The following CDH13 variants were observed in gnomAD, a reference collection of about 807,000 sequenced individuals.
CDH13 encodes cadherin-13.
A neutral mutation model predicts 63.8 loss-of-function variants in CDH13; 24 were observed. The ratio of observed to expected loss-of-function variants is 0.38; its 90% confidence interval spans 0.27 to 0.53. The LOEUF is 0.53. Ranked by LOEUF, CDH13 falls within the 20% of genes least tolerant of loss-of-function variation. The probability of loss-of-function intolerance (pLI) is 0.85; values close to 1 mark genes in which losing one functional copy is unlikely to be tolerated. For synonymous variants in CDH13, 503 were observed against 355.3 expected, an observed-to-expected ratio of 1.42 and a Z score of -4.67; for missense variants, 1,049 against 903.1, an observed-to-expected ratio of 1.16 and a Z score of -2.07.
chr16:83,436,871 T>A (rs1454743155), intron 6 of CDH13, among the ~76,000 whole-genome samples: 1 of 152,210 alleles, frequency 6.6e-6, no homozygotes, highest in Non-Finnish European at 1.5e-5. Context: ...TTGGTAGGGC[T>A]CTTTATGGAT....
intron 6 of CDH13, among the ~76,000 whole-genome samples, chr16:83,473,957 A>C (rs2073532767): frequency 6.6e-6 from 1 of 152,114 alleles, no homozygotes; most frequent in Non-Finnish European, 1.5e-5. Flanking sequence ...CTATGGTACG[A>C]ACCCTCATAA....
chr16:82,892,731 T>C (rs988386946), intron 2 of CDH13, among the ~76,000 whole-genome samples: 1 of 152,196 alleles, frequency 6.6e-6, no homozygotes, highest in South Asian at 2.1e-4. Context: ...TCAGTGTTTT[T>C]CTTCTTTTTT....
chr16:83,270,789 C>G (rs77244767), intron 5 of CDH13, among the ~76,000 whole-genome samples: 15,255 of 150,698 alleles, frequency 0.1, 1,078 homozygotes, highest in Non-Finnish European at 0.15. Context: ...TACAGATTTG[C>G]TTTTTTTGTT....
At chr16:82,802,506 C>CAGAT (rs1184378324) in intron 1 of CDH13, among the ~76,000 whole-genome samples, 2 of 152,112 alleles carry the variant, frequency 1.3e-5, no homozygotes, top group Non-Finnish European at 1.5e-5. Flanking sequence ...CTATCAGGGA[C>CAGAT]AGATAGGTCC....
At chr16:83,129,179 G>T (rs1291925669) in intron 4 of CDH13, among the ~76,000 whole-genome samples, 1 of 152,194 alleles carries the variant, frequency 6.6e-6, no homozygotes, top group Non-Finnish European at 1.5e-5. Context: ...GAGGCAGGGA[G>T]AAGGGAAGGA....
intron 8 of CDH13, among the ~76,000 whole-genome samples, chr16:83,664,933 G>C (rs1003805239): frequency 1.3e-5 from 2 of 152,214 alleles, no homozygotes; most frequent in Admixed American, 1.3e-4. Context: ...CTCACTTACT[G>C]ATGTATTTTT....
intron 7 of CDH13, among the ~76,000 whole-genome samples, chr16:83,557,932 A>T (rs1445565607): frequency 6.6e-6 from 1 of 152,116 alleles, no homozygotes; most frequent in Non-Finnish European, 1.5e-5. Context: ...CTCTGGGGTG[A>T]AGGGTCTATA....
At chr16:83,236,897 T>A (rs1483121880) in intron 5 of CDH13, among the ~76,000 whole-genome samples, 1 of 152,050 alleles carries the variant, frequency 6.6e-6, no homozygotes, top group Non-Finnish European at 1.5e-5. Context: ...AGGTGGTGGT[T>A]CTACAACATC....
At chr16:83,229,281 A>T (rs1032583709) in intron 5 of CDH13, among the ~76,000 whole-genome samples, 2 of 152,218 alleles carry the variant, frequency 1.3e-5, no homozygotes, top group African/African-American at 2.4e-5. Flanking sequence ...ACTACCAGGC[A>T]CTGGGGAAAA....
chr16:82,786,617 T>C (rs2036023305), intron 1 of CDH13, among the ~76,000 whole-genome samples: 1 of 151,370 alleles, frequency 6.6e-6, no homozygotes. Flanking sequence ...TACCTCATCA[T>C]TTACATTAGG....
chr16:82,822,043 C>A (rs544427884), intron 1 of CDH13, among the ~76,000 whole-genome samples: 1 of 152,306 alleles, frequency 6.6e-6, no homozygotes, highest in East Asian at 1.9e-4. Flanking sequence ...GTTCTTACTA[C>A]AGGATAGACC....
chr16:82,843,087 G>C (rs1183146251), intron 1 of CDH13, among the ~76,000 whole-genome samples: 1 of 152,138 alleles, frequency 6.6e-6, no homozygotes, highest in Non-Finnish European at 1.5e-5. Flanking sequence ...CTGGGGATTG[G>C]GCATCCTTGT....
At chr16:83,049,015 C>G (rs936251091) in intron 3 of CDH13, among the ~76,000 whole-genome samples, 3 of 152,182 alleles carry the variant, frequency 2.0e-5, no homozygotes, top group African/African-American at 7.2e-5. Flanking sequence ...GGAAACTGAA[C>G]AGCTGATTTC....
chr16:83,341,063 G>T (rs2090710497), intron 5 of CDH13, among the ~76,000 whole-genome samples: 1 of 152,082 alleles, frequency 6.6e-6, no homozygotes, highest in Admixed American at 6.6e-5. Flanking sequence ...CTCACAGTAG[G>T]TTTCTACCAA....
rs543855326 is a variant in CDH13, at chr16:83,513,458, GACTTACCCTAGACTGAATA to G, written c.960+26805_960+26823del. Among the ~76,000 whole-genome samples the G allele has an allele frequency of 2.5e-3, 384 of 152,218 alleles. 2 individuals carry two copies. The highest frequency in any genetic ancestry group is 8.8e-3 in the African/African-American group (366 of 41,514). ...TAGTTTGTTCTCATGCTGCTATAAA[GACTTACCCTAGACTGAATA>G]ATTTATAAAGGAAAGAGGTTTAATT... is the stretch of plus-strand genomic sequence containing the variant. On this transcript the variant is annotated intron_variant, in intron 7 of 13. Transcript: ENST00000567109.
intron 1 of CDH13, among the ~76,000 whole-genome samples, chr16:82,853,027 T>G (rs1189107157): frequency 6.6e-6 from 1 of 152,210 alleles, no homozygotes; most frequent in Non-Finnish European, 1.5e-5. Flanking sequence ...AGCAAATAAA[T>G]GGAAGCTAAA....
At chr16:82,852,068 A>C (rs999737022) in intron 1 of CDH13, among the ~76,000 whole-genome samples, 1 of 152,122 alleles carries the variant, frequency 6.6e-6, no homozygotes, top group African/African-American at 2.4e-5. Context: ...ACCTTCTTGG[A>C]GCTGGTTTAA....
rs1003143512 is a variant in CDH13 at position 83,202,867 on chromosome 16, A to G, written c.484-14478A>G. Among the ~76,000 whole-genome samples, 4 of 152,196 alleles carry G rather than the reference A, an allele frequency of 2.6e-5. No homozygotes were observed. The East Asian group carries it at 7.7e-4, about 29-fold the overall frequency. ...ACATTGAGTACACATGGACATAAAG[A>G]CAGGAAAAATAGACACTGAAGACTC... is the stretch of plus-strand genomic sequence containing the variant. On this transcript the variant is annotated intron_variant, in intron 4 of 13. Transcript: ENST00000567109.
chr16:83,046,616 TG>T (rs912600387), intron 3 of CDH13, among the ~76,000 whole-genome samples: 5 of 152,186 alleles, frequency 3.3e-5, no homozygotes, highest in Admixed American at 2.6e-4. Context: ...AATAGCCCAC[TG>T]GGAAGGCCTT....
Sources: allele counts gnomAD v4.1 joint callset (sites outside exome capture counted in the v4.1 genomes callset), GRCh38; gene constraint gnomAD v4.1.1; transcripts MANE v1.5; gene names NCBI Gene and HGNC (gene_info 2026-07-23, HGNC 2026-07-21).